The following CD101 variants were observed in gnomAD, a reference collection of about 807,000 sequenced individuals.
The protein encoded by CD101 is immunoglobulin superfamily member 2.
In CD101, 76 loss-of-function variants were observed where a neutral mutation model predicts 98.2. The ratio of observed to expected loss-of-function variants is 0.77; its 90% CI spans 0.64 to 0.94. CD101 has a LOEUF of 0.94. CD101 is among the 40% of genes least tolerant of loss of function. The pLI is 0.00. For missense variants in CD101, 1,145 were observed against 1,218.8 expected, an observed-to-expected ratio of 0.94 and a Z score of 0.90; for synonymous variants, 471 against 472.7, an observed-to-expected ratio of 1.00 and a Z score of 0.05.
Position 117,034,120 on chromosome 1 carries a change from A to G in CD101, c.*19A>G, listed in dbSNP as rs769559350. Reference sequence around the variant, plus strand: ...CAACTGAATCCCAAGAGGCACCTGCAGCCAGGAAGGAAAGGTGGGGGCTTT... The same window carrying G: ...CAACTGAATCCCAAGAGGCACCTGCGGCCAGGAAGGAAAGGTGGGGGCTTT... On this transcript the variant is annotated 3_prime_UTR_variant, in exon 9 of 10. Coordinates refer to ENST00000682167, the MANE Select transcript of CD101 (RefSeq NM_001256106.3). 20 of 1,613,152 alleles carry G rather than the reference A, an allele frequency of 1.2e-5. No individual in the cohort carries two copies. Among genetic ancestry groups the G allele is most frequent in the African/African-American group, 2.7e-5 (2 of 74,852 alleles).
At chr1:117,034,494 AT>A (rs1347702455) in intron 9 of CD101, among the ~76,000 whole-genome samples, 6 of 152,096 alleles carry the variant, frequency 3.9e-5, no homozygotes. Context: ...CTAGGTAATC[AT>A]TTTCCTCCAG....
At chr1:117,016,590 G>GA (rs1164502652) in intron 4 of CD101, among the ~76,000 whole-genome samples, 5 of 152,174 alleles carry the variant, frequency 3.3e-5, no homozygotes, top group Admixed American at 6.5e-5. Flanking sequence ...TGGGTGCAGT[G>GA]GCTCATGCCT....
chr1:117,013,358 A>T, intron 3 of CD101, 48 bp from the exon 4 acceptor site: 1 of 1,550,382 alleles, frequency 6.5e-7, no homozygotes, highest in East Asian at 2.3e-5. Context: ...TACTGAAAGG[A>T]CAGAGGCTGT....
Position 117,017,253 on chromosome 1 carries a change from G to T in CD101, c.1392G>T (p.Gly464=). Residue 464 remains glycine, a synonymous_variant, in exon 5 of 10, where the codon GGG becomes GGT. Coordinates refer to ENST00000682167, the MANE Select transcript of CD101 (RefSeq NM_001256106.3). Reference sequence around the variant, plus strand: ...AGCCCGAGTTTGTGGCTGGCATGGGGCAGGATGGCATTGTGCAGCTGGGTG... The same window carrying T: ...AGCCCGAGTTTGTGGCTGGCATGGGTCAGGATGGCATTGTGCAGCTGGGTG... ...QTQPEFVAGM[G]QDGIVQLGAS... is the part of the protein sequence containing the mutation. The T allele has an allele frequency of 6.2e-7, 1 of 1,614,202 alleles. No individual in the cohort carries two copies. The highest frequency in any genetic ancestry group is 8.5e-7 in the Non-Finnish European group (1 of 1,180,028).
rs941475365 is a variant in CD101, at chr1:117,023,427, CT to C, written c.2428+1453del. ...CACAACTAATTCACTTCTTCTTTTT[CT>C]TTTTTTTTAGACGGAGTCTTGCTCT... is the stretch of plus-strand genomic sequence containing the variant. On this transcript the variant is annotated intron_variant, in intron 7 of 9. Transcript: ENST00000682167. The surrounding 1 kb of genome is among the most constrained non-coding windows in gnomAD (Gnocchi z 4.4). Among the ~76,000 whole-genome samples, 2 of 151,048 alleles carry C rather than the reference CT, an allele frequency of 1.3e-5. No individual in the cohort carries two copies. Among genetic ancestry groups the C allele is most frequent in the Non-Finnish European group, 3.0e-5 (2 of 67,692 alleles).
chr1:117,035,880 C>T (rs1654789748), intron 9 of CD101, among the ~76,000 whole-genome samples: 1 of 152,136 alleles, frequency 6.6e-6, no homozygotes, highest in Admixed American at 6.5e-5. Flanking sequence ...TGATGACCCC[C>T]TGCCCCTATT....
At chr1:117,031,474 C>A (rs1570749669) in intron 8 of CD101, among the ~76,000 whole-genome samples, 1 of 152,184 alleles carries the variant, frequency 6.6e-6, no homozygotes, top group Non-Finnish European at 1.5e-5. Context: ...TCAGTCTTTG[C>A]TGAATGTCAC....
chr1:117,003,564 A>G (rs1358088965), intron 1 of CD101, among the ~76,000 whole-genome samples: 1 of 152,106 alleles, frequency 6.6e-6, no homozygotes, highest in Non-Finnish European at 1.5e-5. Context: ...TGCTTTGTGT[A>G]TTTGAATTCT....
chr1:117,018,573 T>C lies in CD101; in HGVS notation c.2017+13T>C. ...GTCACTTTACCAGGTAAGTGTGACT[T>C]GAAATTAATCCCTGTTTTAAAAACA... On this transcript the variant is annotated intron_variant, in intron 6 of 9. Coordinates refer to ENST00000682167, the MANE Select transcript of CD101 (RefSeq NM_001256106.3). This position sits in a 1 kb window ranked among gnomAD's most constrained non-coding sequence, Gnocchi z 4.3. 3 of 1,553,846 alleles carry C rather than the reference T, an allele frequency of 1.9e-6. No individual in the cohort carries two copies. The highest frequency in any genetic ancestry group is 2.6e-6 in the Non-Finnish European group (3 of 1,149,692).
At chr1:117,034,512 G>T (rs984787121) in intron 9 of CD101, among the ~76,000 whole-genome samples, 1 of 152,160 alleles carries the variant, frequency 6.6e-6, no homozygotes, top group African/African-American at 2.4e-5. Flanking sequence ...CCAGATGAGA[G>T]GTGTAGGAAA....
rs775547545 is a variant in CD101 at position 117,011,773 on chromosome 1, G to T, written c.648G>T (p.Arg216=). 4 of 1,614,096 alleles carry T rather than the reference G, an allele frequency of 2.5e-6. No individual in the cohort carries two copies. Among genetic ancestry groups the T allele is most frequent in the Non-Finnish European group, 3.4e-6 (4 of 1,180,016 alleles). ...TCCCTGGGCCCTTGTATACAGAGCG[G>T]TTTGCAGCCAGTGACGTACAGCTCA... ...ILVPGPLYTE[R]FAASDVQLNK... The change falls in exon 3 of 10, where the codon CGG becomes CGT. Residue 216 remains arginine, a synonymous_variant. Coordinates refer to ENST00000682167, the MANE Select transcript of CD101 (RefSeq NM_001256106.3).
In CD101 at chr1:117,023,192, T is replaced by C. The variant is rs1653683340; in HGVS notation, c.2428+1209T>C. 6.6e-6 allele frequency among the ~76,000 whole-genome samples: 1 copy of C among 152,204 alleles called. No homozygotes were observed. Among genetic ancestry groups the C allele is most frequent in the Non-Finnish European group, 1.5e-5 (1 of 68,032 alleles). On this transcript the variant is annotated intron_variant, in intron 7 of 9. Transcript: ENST00000682167. The surrounding 1 kb of genome is among the most constrained non-coding windows in gnomAD (Gnocchi z 4.4). ...ATCTCACCATGCTCATTTGCACTTC[T>C]GCATTTCCCATCTGTGTGATTGGCA...
chr1:117,028,102 T>TAAATAAATAAATAAATAAATAAATAAATA (rs1553188135), intron 8 of CD101, among the ~76,000 whole-genome samples: 112 of 145,530 alleles, frequency 7.7e-4, no homozygotes, highest in African/African-American at 2.8e-3. Flanking sequence ...AATAAATAAA[T>TAAATAAATAAATAAATAAATAAATAAATA]AAATAAAATA....
In CD101 at chr1:117,012,140, C is replaced by T. The variant is rs1431028831; in HGVS notation, c.841+174C>T. On this transcript the variant is annotated intron_variant, in intron 3 of 9. Transcript: ENST00000682167. The surrounding 1 kb of genome is among the most constrained non-coding windows in gnomAD (Gnocchi z 4.0). ...AAGCATAACTAAGAGGGAGCACATT[C>T]AGTTCTGGCTCTGCCCACGGATTCT... Among the ~76,000 whole-genome samples the T allele has an allele frequency of 1.3e-5, 2 of 152,174 alleles. No individual in the cohort carries two copies. The highest frequency in any genetic ancestry group is 1.9e-4 in the East Asian group (1 of 5,206).
At chr1:117,013,893 C>A in intron 4 of CD101, 101 bp downstream of exon 4, 1 of 1,310,664 alleles carries the variant, frequency 7.6e-7, no homozygotes, top group Non-Finnish European at 1.0e-6. Context: ...TCATGAAGAG[C>A]AGGTTTCAAT....
chr1:117,009,745 G>A lies in CD101; in HGVS notation c.44-105G>A, dbSNP rs772967432. 24 of 1,219,814 alleles carry A rather than the reference G, an allele frequency of 2.0e-5. No homozygotes were observed. In the Admixed American group the frequency reaches 3.0e-4, roughly 15 times the overall value. The allele number at this position is 1,219,814 out of a possible 1,614,324, so 75.6% of individuals were successfully genotyped here. A position where few individuals can be genotyped will look rare whatever the true frequency, so the allele number is the denominator to read the frequency against. On this transcript the variant is annotated intron_variant, in intron 1 of 9. Coordinates refer to ENST00000682167, the MANE Select transcript of CD101 (RefSeq NM_001256106.3). ...GAGTCAATTATAGCTAATAACTTGC[G>A]ATCTCATTTACCAGAATTGTAATAC...
In CD101 at chr1:117,025,890, C is replaced by A. The variant is rs367547701; in HGVS notation, c.2810C>A (p.Thr937Lys). The change falls in exon 8 of 10, where the codon ACG becomes AAG. Residue 937 changes from threonine to lysine, a missense_variant. Transcript: ENST00000682167. ...ASDESQRMVL[T>K]VLPSEPTLPS... ...GATGAGTCACAGCGGATGGTGCTCACGGTGCTGCCTTCAGGTAACCAGGGG... is the reference window on the plus strand; with the variant it reads ...GATGAGTCACAGCGGATGGTGCTCAAGGTGCTGCCTTCAGGTAACCAGGGG... The A allele has an allele frequency of 6.2e-7, 1 of 1,609,232 alleles. No homozygotes were observed. The highest frequency in any genetic ancestry group is 1.7e-5 in the Admixed American group (1 of 59,918).
rs1653427034 is a variant in CD101 at position 117,019,224 on chromosome 1, G to A, written c.2017+664G>A. Among the ~76,000 whole-genome samples, 1 of 152,198 alleles carries A rather than the reference G, an allele frequency of 6.6e-6. No homozygotes were observed. Among genetic ancestry groups the A allele is most frequent in the Non-Finnish European group, 1.5e-5 (1 of 68,032 alleles). On this transcript the variant is annotated intron_variant, in intron 6 of 9. Transcript: ENST00000682167. The surrounding 1 kb of genome is among the most constrained non-coding windows in gnomAD (Gnocchi z 4.3). ...TAGATCTGACAGTCACTGGATAGCA[G>A]AACAGCTTTGGATGAGACACTTAAT...
In CD101 at chr1:117,030,462, GAAA is replaced by G. The variant is rs113472627; in HGVS notation, c.2825-3393_2825-3391del. ...AAGAAAGAGAAAGAAAGAAAAGAAA[GAAA>G]AAAAGAGAGAGAGAAAGAGAAAGAG... On this transcript the variant is annotated intron_variant, in intron 8 of 9. Coordinates refer to ENST00000682167, the MANE Select transcript of CD101 (RefSeq NM_001256106.3). Among the ~76,000 whole-genome samples the G allele has an allele frequency of 6.2e-4, 94 of 151,298 alleles. No individual in the cohort carries two copies. The East Asian group carries it at 7.6e-3, about 12-fold the overall frequency.
Sources: allele counts gnomAD v4.1 joint callset (sites outside exome capture counted in the v4.1 genomes callset), GRCh38; gene constraint gnomAD v4.1.1; non-coding constraint Gnocchi (gnomAD v3.1); transcripts MANE v1.5; gene names NCBI Gene and HGNC (gene_info 2026-07-23, HGNC 2026-07-21).